RORA: variants seen among roughly 807,000 people sequenced by gnomAD.
RORA encodes the protein RAR related orphan receptor A, also known as nuclear receptor ROR-alpha.
In RORA, 7 loss-of-function variants were observed where a neutral mutation model predicts 69.5. The observed-to-expected ratio is 0.10, with a 90% confidence interval of 0.06 to 0.19. RORA has a LOEUF of 0.19. Among genes scored for constraint, RORA ranks in the 10% least tolerant of loss-of-function variants. The pLI, the probability that RORA is intolerant of heterozygous loss-of-function variation, is 1.00. For synonymous variants in RORA, 261 were observed against 240.8 expected (o/e 1.08, Z -0.78); for missense variants, 457 against 663.0 (o/e 0.69, Z 3.41).
In RORA at chr15:61,048,468, C is replaced by T. The variant is rs1018476545; in HGVS notation, c.166+180585G>A. Reference sequence around the variant, plus strand: ...TCTCTGCCCTCTGTCAAGAGTCACACGGCAGAGAGGACAAGACTCCTGTCC... The same window carrying T: ...TCTCTGCCCTCTGTCAAGAGTCACATGGCAGAGAGGACAAGACTCCTGTCC... On this transcript the variant is annotated intron_variant, in intron 1 of 10. Transcript: ENST00000335670. Among the ~76,000 whole-genome samples the T allele has an allele frequency of 1.9e-4, 29 of 152,306 alleles. 1 individual carries two copies. The highest frequency in any genetic ancestry group is 9.2e-4 in the Admixed American group (14 of 15,294).
At position 60,864,399 on chromosome 15, in the gene RORA, T is replaced by C. The variant is rs187315538; in HGVS notation, c.167-185713A>G. Among the ~76,000 whole-genome samples the C allele has an allele frequency of 2.6e-3, 401 of 152,320 alleles. 3 individuals are homozygous for C. Among genetic ancestry groups the C allele is most frequent in the African/African-American group, 9.1e-3 (380 of 41,572 alleles). ...TAGTGTCACATTTTGAAAAATGTTA[T>C]TTTATTGGCCATAATTTTTCACAGT... On this transcript the variant is annotated intron_variant, in intron 1 of 10. Transcript: ENST00000335670.
Position 60,531,551 on chromosome 15 carries a change from C to A in RORA, c.282+215G>T. The A allele has an allele frequency of 2.1e-6, 1 of 478,260 alleles. No homozygotes were observed. Among genetic ancestry groups the A allele is most frequent in the South Asian group, 3.4e-5 (1 of 29,750 alleles). The allele number at this position is 478,260 out of a possible 1,614,324, so 29.6% of individuals were successfully genotyped here. A position where few individuals can be genotyped will look rare whatever the true frequency, so the allele number is the denominator to read the frequency against. The stretch of plus-strand genomic sequence containing the variant: ...TGATAAACAAGCAATGCTCAAATAC[C>A]TTTTTGTAATCTCCTATTATTTTGA... On this transcript the variant is annotated intron_variant, in intron 3 of 10. Transcript: ENST00000335670. The surrounding 1 kb of genome is among the most constrained non-coding windows in gnomAD (Gnocchi z 4.8).
chr15:60,519,708 T>A (rs189113832), intron 3 of RORA, among the ~76,000 whole-genome samples: 8 of 152,302 alleles, frequency 5.3e-5, no homozygotes, highest in Non-Finnish European at 1.2e-4. Flanking sequence ...TGCCTCCTGA[T>A]CTGGATTAGG....
intron 9 of RORA, among the ~76,000 whole-genome samples, 170 bp downstream of exon 9, chr15:60,500,789 G>A (rs775102451): frequency 4.6e-5 from 7 of 152,110 alleles, no homozygotes; most frequent in Non-Finnish European, 8.8e-5. Context: ...GTGTTGGATG[G>A]GTGGAAAAGA....
intron 1 of RORA, among the ~76,000 whole-genome samples, chr15:60,973,019 G>A (rs1304634901): frequency 1.3e-5 from 2 of 151,024 alleles, no homozygotes; most frequent in Non-Finnish European, 2.9e-5. Flanking sequence ...CAATCAATGA[G>A]GGGCAACTTT....
intron 1 of RORA, among the ~76,000 whole-genome samples, chr15:61,033,132 AC>A (rs1421130396): frequency 2.0e-5 from 3 of 152,252 alleles, no homozygotes; most frequent in East Asian, 3.9e-4. Context: ...TCTTGGCTAT[AC>A]CCCAAGGAGT....
At chr15:61,151,955 T>G (rs978263236) in intron 1 of RORA, among the ~76,000 whole-genome samples, 1 of 152,214 alleles carries the variant, frequency 6.6e-6, no homozygotes, top group African/African-American at 2.4e-5. Context: ...GAGGGCCCAC[T>G]GTGCTCTAGA....
intron 2 of RORA, among the ~76,000 whole-genome samples, chr15:60,605,659 A>C (rs1294482751): frequency 6.6e-6 from 1 of 152,254 alleles, no homozygotes; most frequent in Non-Finnish European, 1.5e-5. Flanking sequence ...TCACTGACAA[A>C]GCAAGCTAAT....
At chr15:60,913,516 G>A (rs957484064) in intron 1 of RORA, among the ~76,000 whole-genome samples, 3 of 152,208 alleles carry the variant, frequency 2.0e-5, no homozygotes, top group Non-Finnish European at 4.4e-5. Context: ...ACTGCCACGT[G>A]ACAGGCTGTG....
chr15:60,963,597 C>G (rs1330244759), intron 1 of RORA, among the ~76,000 whole-genome samples: 1 of 152,208 alleles, frequency 6.6e-6, no homozygotes, highest in Non-Finnish European at 1.5e-5. Context: ...TGTGAGGTTT[C>G]CCTTGCATTC....
intron 1 of RORA, among the ~76,000 whole-genome samples, chr15:61,124,878 C>A (rs1360030125): frequency 6.6e-6 from 1 of 152,176 alleles, no homozygotes; most frequent in Non-Finnish European, 1.5e-5. Context: ...TCACTGTAAT[C>A]CCCTTTTTAT....
intron 1 of RORA, among the ~76,000 whole-genome samples, chr15:60,700,617 A>G (rs964844054): frequency 4.0e-5 from 6 of 150,276 alleles, no homozygotes; most frequent in African/African-American, 1.5e-4. Context: ...ATCAGCAATA[A>G]ACGTTTCCCC....
chr15:60,577,855 C>T (rs1033409356), intron 2 of RORA, among the ~76,000 whole-genome samples: 7 of 152,102 alleles, frequency 4.6e-5, no homozygotes, highest in African/African-American at 1.4e-4. Context: ...CATTATTTTA[C>T]ATTTTTGTGA....
intron 1 of RORA, among the ~76,000 whole-genome samples, chr15:61,153,220 G>A (rs991494408): frequency 6.6e-6 from 1 of 152,174 alleles, no homozygotes; most frequent in African/African-American, 2.4e-5. Flanking sequence ...TCAATGTCAT[G>A]TCCAGGAGTT....
At chr15:60,855,973 A>G (rs906494258) in intron 1 of RORA, among the ~76,000 whole-genome samples, 3 of 152,218 alleles carry the variant, frequency 2.0e-5, no homozygotes, top group Non-Finnish European at 4.4e-5. Context: ...TATTAAATAC[A>G]GTGTAGATTT....
chr15:60,569,121 GA>G (rs2140446581), intron 2 of RORA, among the ~76,000 whole-genome samples: 1 of 152,058 alleles, frequency 6.6e-6, no homozygotes, highest in South Asian at 2.1e-4. Context: ...AAAATTGGTT[GA>G]ATTAAATTAA....
intron 1 of RORA, among the ~76,000 whole-genome samples, chr15:60,982,574 G>A (rs1421562893): frequency 1.3e-5 from 2 of 152,262 alleles, no homozygotes; most frequent in East Asian, 3.9e-4. Flanking sequence ...CCACCAGATA[G>A]ATCAAATTAG....
intron 1 of RORA, among the ~76,000 whole-genome samples, chr15:61,108,725 T>C (rs570207118): frequency 4.6e-5 from 7 of 152,222 alleles, no homozygotes; most frequent in Non-Finnish European, 7.3e-5. Flanking sequence ...CAATTTTTAT[T>C]GTATGATTAA....
chr15:61,181,420 T>C (rs915814496), intron 1 of RORA: 5 of 151,960 alleles, frequency 3.3e-5, no homozygotes, highest in African/African-American at 4.8e-5. Flanking sequence ...TTTCAAATGA[T>C]AAATTAAACC....
Sources: allele counts gnomAD v4.1 joint callset (sites outside exome capture counted in the v4.1 genomes callset), GRCh38; gene constraint gnomAD v4.1.1; non-coding constraint Gnocchi (gnomAD v3.1); transcripts MANE v1.5; gene names NCBI Gene and HGNC (gene_info 2026-07-23, HGNC 2026-07-21).